PHF24: variants seen among roughly 807,000 people sequenced by gnomAD.
PHF24 encodes PHD finger protein 24.
In PHF24, 25 loss-of-function variants were observed where a neutral mutation model predicts 42.6. The ratio of observed to expected loss-of-function variants is 0.59; its 90% CI spans 0.43 to 0.82. PHF24 has a LOEUF of 0.82. Ranked by LOEUF, PHF24 falls within the 40% of genes least tolerant of loss-of-function variation. The probability of loss-of-function intolerance (pLI) is 0.00; values close to 1 mark genes in which losing one functional copy is unlikely to be tolerated. For missense variants in PHF24, 470 were observed against 538.1 expected (o/e 0.87, Z 1.25); for synonymous variants, 185 against 204.8 (o/e 0.90, Z 0.83).
At chr9:34,809,245 T>C in the PHF24 span, among the ~76,000 whole-genome samples, 1 of 152,064 alleles carries the variant, frequency 6.6e-6, no homozygotes, top group East Asian at 1.9e-4. The surrounding 1 kb of genome is among the most constrained non-coding windows in gnomAD (Gnocchi z 4.1). Flanking sequence ...GTACATAAAC[T>C]ATAAATATAT....
chr9:34,808,940 T>C, the PHF24 span, among the ~76,000 whole-genome samples: 1 of 149,392 alleles, frequency 6.7e-6, no homozygotes, highest in South Asian at 2.2e-4. Flanking sequence ...TAATGCTAGA[T>C]GACGAGTAAG....
chr9:34,919,011 C>T, the PHF24 span, among the ~76,000 whole-genome samples: 7 of 152,144 alleles, frequency 4.6e-5, no homozygotes, highest in African/African-American at 1.2e-4. Flanking sequence ...ATTTCACAAA[C>T]GTTTGATTTT....
chr9:34,771,087 T>C, the PHF24 span, among the ~76,000 whole-genome samples: 2 of 152,212 alleles, frequency 1.3e-5, no homozygotes, highest in African/African-American at 2.4e-5. Context: ...CACTCCAGTG[T>C]GGGTGACAAG....
At chr9:34,864,648 G>C in the PHF24 span, among the ~76,000 whole-genome samples, 1 of 152,054 alleles carries the variant, frequency 6.6e-6, no homozygotes, top group Non-Finnish European at 1.5e-5. Flanking sequence ...AGTGCTAAAG[G>C]GAGTACTTCA....
chr9:34,803,956 A>G, the PHF24 span, among the ~76,000 whole-genome samples: 3 of 152,106 alleles, frequency 2.0e-5, no homozygotes, highest in African/African-American at 7.2e-5. Context: ...TAAGAAAGAG[A>G]TGTTTTCTCT....
chr9:34,824,202 G>A, the PHF24 span, among the ~76,000 whole-genome samples: 1 of 152,190 alleles, frequency 6.6e-6, no homozygotes, highest in East Asian at 1.9e-4. Flanking sequence ...AGTGGGCTGG[G>A]CCCTATAGGC....
At chr9:34,853,709 T>G in the PHF24 span, among the ~76,000 whole-genome samples, 1 of 150,050 alleles carries the variant, frequency 6.7e-6, no homozygotes, top group Non-Finnish European at 1.5e-5. Context: ...GTGCCTGTAG[T>G]CCCAGCTACT....
chr9:34,977,421 C>T (rs1827235151), intron 6 of PHF24, 125 bp from the exon 7 acceptor site: 2 of 1,219,302 alleles, frequency 1.6e-6, no homozygotes, highest in Non-Finnish European at 2.3e-6. Flanking sequence ...CTGCCTTCAA[C>T]TCGGTGTTGC....
exon 8 of PHF24, chr9:34,978,883 A>G (rs539258046): frequency 2.6e-5 from 4 of 152,084 alleles, no homozygotes; most frequent in Non-Finnish European, 4.4e-5. Context: ...CCTGAGTCCA[A>G]AAGTCTTTAG....
the PHF24 span, among the ~76,000 whole-genome samples, chr9:34,831,416 T>C: frequency 6.6e-6 from 1 of 152,096 alleles, no homozygotes; most frequent in Admixed American, 6.5e-5. Flanking sequence ...TAGGCCTGGG[T>C]ACAAGCTGCT....
chr9:34,937,647 T>TAAAAAAAA, the PHF24 span, among the ~76,000 whole-genome samples: 17,946 of 142,692 alleles, frequency 0.13, 1,759 homozygotes, highest in East Asian at 0.48. Context: ...ATGATCAATT[T>TAAAAAAAA]AAAAAAAAAA....
the PHF24 span, among the ~76,000 whole-genome samples, chr9:34,687,568 C>T: frequency 6.6e-6 from 1 of 152,212 alleles, no homozygotes; most frequent in Admixed American, 6.5e-5. Context: ...TCTGTACCTC[C>T]TGGCGGCAGT....
chr9:34,857,186 G>T, the PHF24 span, among the ~76,000 whole-genome samples: 1 of 152,178 alleles, frequency 6.6e-6, no homozygotes, highest in South Asian at 2.1e-4. Context: ...CCAGCCTGCT[G>T]CCACTGGCCA....
chr9:34,882,047 G>C, the PHF24 span, among the ~76,000 whole-genome samples: 44 of 152,160 alleles, frequency 2.9e-4, no homozygotes, highest in South Asian at 2.1e-4. Context: ...GGGATGCAAG[G>C]CTGTTGCAAC....
At chr9:34,708,994 G>A in the PHF24 span, 9 of 200,062 alleles carry the variant, frequency 4.5e-5, no homozygotes, top group Non-Finnish European at 7.0e-5. Context: ...TAAACACATG[G>A]GAACAGGTAC....
At chr9:34,712,888 A>G in the PHF24 span, among the ~76,000 whole-genome samples, 1 of 152,300 alleles carries the variant, frequency 6.6e-6, no homozygotes, top group Non-Finnish European at 1.5e-5. Flanking sequence ...TAAGACAGTT[A>G]AAGTCTTCAT....
At chr9:34,710,754 A>C in the PHF24 span, among the ~76,000 whole-genome samples, 3 of 152,020 alleles carry the variant, frequency 2.0e-5, no homozygotes, top group Non-Finnish European at 4.4e-5. Context: ...GACCACAGGC[A>C]CATGCCACTA....
the PHF24 span, among the ~76,000 whole-genome samples, chr9:34,757,267 G>GTT: frequency 2.9e-3 from 420 of 146,260 alleles, 3 homozygotes; most frequent in East Asian, 1.0e-2. Flanking sequence ...TTTATTTCTA[G>GTT]TTTTTTTTTT....
the PHF24 span, among the ~76,000 whole-genome samples, chr9:34,933,540 C>T: frequency 5.3e-5 from 8 of 151,804 alleles, no homozygotes; most frequent in South Asian, 2.1e-4. Flanking sequence ...CTGGCTAACA[C>T]GGTGAAACCC....
Sources: allele counts gnomAD v4.1 joint callset (sites outside exome capture counted in the v4.1 genomes callset), GRCh38; gene constraint gnomAD v4.1.1; non-coding constraint Gnocchi (gnomAD v3.1); transcripts MANE v1.5; gene names NCBI Gene and HGNC (gene_info 2026-07-23, HGNC 2026-07-21).